The following STX17 variants were observed in gnomAD, a reference collection of about 807,000 sequenced individuals.
STX17 encodes syntaxin-17.
Under a neutral mutation model 35.9 loss-of-function variants are expected in STX17, and 29 were observed. The ratio of observed to expected loss-of-function variants is 0.81; its 90% confidence interval spans 0.60 to 1.10. STX17 has a LOEUF of 1.10. Ranked by LOEUF, STX17 falls within the 50% of genes least tolerant of loss-of-function variation. The pLI is 0.00. For missense variants in STX17, 312 were observed against 352.3 expected (o/e 0.89, Z 0.92); for synonymous variants, 92 against 118.3 (o/e 0.78, Z 1.44).
At chr9:99,961,270 A>G (rs564722669) in intron 6 of STX17, among the ~76,000 whole-genome samples, 91 of 152,314 alleles carry the variant, frequency 6.0e-4, no homozygotes, top group African/African-American at 2.0e-3. Flanking sequence ...GGCCTAAGAG[A>G]GGAGGAGGTC....
Position 99,915,531 on chromosome 9 carries a change from A to G in STX17, c.123+169A>G, listed in dbSNP as rs570961790. Among the ~76,000 whole-genome samples, 9 of 152,320 alleles carry G rather than the reference A, an allele frequency of 5.9e-5. No individual in the cohort carries two copies. The South Asian group carries it at 1.9e-3, about 32-fold the overall frequency. ...TTTAGCTGGTTTTTCTGTTCTGCATATATACCTCTCATATATTCCTTTTTC... is the reference window on the plus strand; with the variant it reads ...TTTAGCTGGTTTTTCTGTTCTGCATGTATACCTCTCATATATTCCTTTTTC... On this transcript the variant is annotated intron_variant, in intron 2 of 7. Coordinates refer to ENST00000259400, the MANE Select transcript of STX17 (RefSeq NM_017919.3).
rs552511429 is a variant in STX17 at position 99,961,076 on chromosome 9, G to C, written c.582+921G>C. 3.9e-5 allele frequency among the ~76,000 whole-genome samples: 6 copies of C among 152,294 alleles called. No homozygotes were observed. In the South Asian group the frequency reaches 1.2e-3, roughly 32 times the overall value. On this transcript the variant is annotated intron_variant, in intron 6 of 7. Coordinates refer to ENST00000259400, the MANE Select transcript of STX17 (RefSeq NM_017919.3). ...TGACAAGTACTGCAGTATAACCAAA[G>C]CATAAGGTACCATGGGCAAGCAAGG...
intron 3 of STX17, among the ~76,000 whole-genome samples, chr9:99,948,440 GT>G (rs1229387577): frequency 2.0e-5 from 3 of 151,892 alleles, no homozygotes; most frequent in Non-Finnish European, 4.4e-5. Context: ...CATTATGTTT[GT>G]GTTGGATGGT....
intron 3 of STX17, 150 bp downstream of exon 3, chr9:99,928,993 C>A: frequency 1.6e-6 from 1 of 616,800 alleles, no homozygotes; most frequent in South Asian, 2.4e-5. Flanking sequence ...ATTGCTGAAT[C>A]ACATGCCATA....
intron 2 of STX17, among the ~76,000 whole-genome samples, chr9:99,921,424 TTG>T (rs1421553152): frequency 6.6e-6 from 1 of 152,156 alleles, no homozygotes; most frequent in Non-Finnish European, 1.5e-5. Flanking sequence ...ACAGTTATCA[TTG>T]TTATATTTGT....
At chr9:99,911,806 G>A (rs926158747) in intron 1 of STX17, among the ~76,000 whole-genome samples, 22 of 152,202 alleles carry the variant, frequency 1.4e-4, no homozygotes, top group African/African-American at 5.1e-4. Flanking sequence ...CAAACTCTTG[G>A]CCTCAAGTGA....
At chr9:99,909,560 AT>A (rs1484906998) in intron 1 of STX17, among the ~76,000 whole-genome samples, 1 of 152,238 alleles carries the variant, frequency 6.6e-6, no homozygotes, top group Non-Finnish European at 1.5e-5. Flanking sequence ...TAATTGATAC[AT>A]TTAACATGTA....
chr9:99,968,586 G>T lies in STX17; in HGVS notation c.822G>T (p.Leu274Phe). The change falls in exon 8 of 8, where the codon TTG (leucine) becomes TTT (phenylalanine). Residue 274 changes from leucine to phenylalanine, a missense_variant. Physicochemically the swap from Leu to Phe is conservative, Grantham distance 22. Transcript: ENST00000259400. ...TGTTGGGCTTCACAGGTGGAAAATT[G>T]ATACAAAGAAAGAAACAGAAAATGA... ...GGVLGFTGGK[L>F]IQRKKQKMME... 1 of 1,613,898 alleles carries T rather than the reference G, an allele frequency of 6.2e-7. No individual in the cohort carries two copies. The highest frequency in any genetic ancestry group is 8.5e-7 in the Non-Finnish European group (1 of 1,179,920).
At chr9:99,959,832 C>G in intron 4 of STX17, 85 bp from the exon 5 acceptor site, 1 of 956,490 alleles carries the variant, frequency 1.0e-6, no homozygotes, top group Non-Finnish European at 1.6e-6. Context: ...TTTAACGTGG[C>G]ATTTGTTTTA....
intron 4 of STX17, among the ~76,000 whole-genome samples, chr9:99,953,530 T>A (rs1050629369): frequency 6.6e-6 from 1 of 152,054 alleles, no homozygotes; most frequent in African/African-American, 2.4e-5. Context: ...ATTGCTGCCA[T>A]ATTGGTGAGG....
At chr9:99,929,742 GT>G (rs1829073629) in intron 3 of STX17, 1 of 151,268 alleles carries the variant, frequency 6.6e-6, no homozygotes, top group Non-Finnish European at 1.5e-5. Flanking sequence ...TGGAGATATT[GT>G]TTTCTGCTGA....
At chr9:99,921,175 C>T (rs976845841) in intron 2 of STX17, among the ~76,000 whole-genome samples, 2 of 152,104 alleles carry the variant, frequency 1.3e-5, no homozygotes, top group African/African-American at 4.8e-5. Context: ...TTCTAACATG[C>T]TTGAAATGTA....
In STX17 at chr9:99,958,757, A is replaced by G. The variant is rs549890075; in HGVS notation, c.416-1160A>G. ...CATTTAATAAATGTCAACTCAATGAATGAATGATTGGTAAAACCAATATGA... is the reference window on the plus strand; with the variant it reads ...CATTTAATAAATGTCAACTCAATGAGTGAATGATTGGTAAAACCAATATGA... On this transcript the variant is annotated intron_variant, in intron 4 of 7. Transcript: ENST00000259400. 5.9e-5 allele frequency among the ~76,000 whole-genome samples: 9 copies of G among 152,246 alleles called. No homozygotes were observed. The South Asian group carries it at 1.9e-3, about 31-fold the overall frequency.
At chr9:99,917,095 G>A (rs1243637478) in intron 2 of STX17, among the ~76,000 whole-genome samples, 1 of 151,976 alleles carries the variant, frequency 6.6e-6, no homozygotes, top group Non-Finnish European at 1.5e-5. Flanking sequence ...TTTTTCTTTA[G>A]CATTTTATGA....
intron 1 of STX17, among the ~76,000 whole-genome samples, chr9:99,914,624 AG>A (rs1310750344): frequency 6.6e-6 from 1 of 152,224 alleles, no homozygotes; most frequent in Non-Finnish European, 1.5e-5. Context: ...GGCAGTTTAA[AG>A]CACATCAATG....
intron 4 of STX17, among the ~76,000 whole-genome samples, chr9:99,957,780 A>G (rs1158388436): frequency 6.6e-6 from 1 of 150,852 alleles, no homozygotes; most frequent in Non-Finnish European, 1.5e-5. Flanking sequence ...CAGCCTCCTG[A>G]GTAGCTGGGA....
chr9:99,928,929 A>ATTAAAATATT (rs1277452804), intron 3 of STX17, 86 bp downstream of exon 3: 1 of 1,193,996 alleles, frequency 8.4e-7, no homozygotes, highest in Non-Finnish European at 1.2e-6. Flanking sequence ...TTTGCAGCTG[A>ATTAAAATATT]ACCCTTTTAT....
chr9:99,945,605 A>G (rs868701832), intron 3 of STX17: 5 of 195,380 alleles, frequency 2.6e-5, no homozygotes, highest in Non-Finnish European at 4.3e-5. Context: ...ATTTAGGTTT[A>G]AATCTTTCAC....
intron 1 of STX17, chr9:99,913,977 T>G (rs1828709509): frequency 6.6e-6 from 1 of 151,480 alleles, no homozygotes; most frequent in South Asian, 2.1e-4. Flanking sequence ...TTTTTCTTTT[T>G]TTTTTTTTGT....
Sources: allele counts gnomAD v4.1 joint callset (sites outside exome capture counted in the v4.1 genomes callset), GRCh38; gene constraint gnomAD v4.1.1; transcripts MANE v1.5; gene names NCBI Gene and HGNC (gene_info 2026-07-23, HGNC 2026-07-21).